GATAD1: variants seen among roughly 807,000 people sequenced by gnomAD.
The protein encoded by GATAD1 is GATA zinc finger domain-containing protein 1.
GATAD1 carries 12 observed loss-of-function variants against 26.5 expected under a neutral mutation model. The observed-to-expected ratio is 0.45, with a 90% CI of 0.29 to 0.73. GATAD1 has a LOEUF of 0.73. Ranked by LOEUF, GATAD1 falls within the 30% of genes least tolerant of loss-of-function variation. GATAD1 has a pLI of 0.10. For synonymous variants in GATAD1, 129 were observed against 133.1 expected (o/e 0.97, Z 0.21); for missense variants, 266 against 342.1 (o/e 0.78, Z 1.75).
chr7:92,495,082 A>G, the GATAD1 span, among the ~76,000 whole-genome samples: 1 of 151,990 alleles, frequency 6.6e-6, no homozygotes, highest in Non-Finnish European at 1.5e-5. Flanking sequence ...ATGCCTATTC[A>G]TTTATTTTGC....
At chr7:92,454,367 A>G (rs915361712) in intron 3 of GATAD1, 135 bp from the exon 4 acceptor site, 6 of 689,416 alleles carry the variant, frequency 8.7e-6, no homozygotes, top group African/African-American at 7.2e-5. Context: ...CCAAACATAT[A>G]AACACTGATA....
Position 92,459,615 on chromosome 7 carries a change from T to G in GATAD1, c.*3053T>G, listed in dbSNP as rs916755084. On this transcript the variant is annotated 3_prime_UTR_variant, in exon 5 of 5. Coordinates refer to ENST00000287957, the MANE Select transcript of GATAD1 (RefSeq NM_021167.5). ...CAATTCTACCTTCCAAAGGCCTTTC[T>G]TAACACCTTCGGATTCTTTCTTTGA... Among the ~76,000 whole-genome samples, 1 of 152,246 alleles carries G rather than the reference T, an allele frequency of 6.6e-6. No individual in the cohort carries two copies. The highest frequency in any genetic ancestry group is 1.5e-5 in the Non-Finnish European group (1 of 68,038).
chr7:92,494,609 C>G, the GATAD1 span: 2 of 1,613,978 alleles, frequency 1.2e-6, no homozygotes, highest in Non-Finnish European at 1.7e-6. Flanking sequence ...GAAAAGAATG[C>G]AGGGCTTTGC....
At chr7:92,493,784 CAT>C in the GATAD1 span, 1 of 167,542 alleles carries the variant, frequency 6.0e-6, no homozygotes, top group Admixed American at 5.7e-5. Context: ...CTACATGTAA[CAT>C]ATATACAGAT....
intron 3 of GATAD1, among the ~76,000 whole-genome samples, chr7:92,453,503 C>G (rs549129358): frequency 6.6e-6 from 1 of 152,192 alleles, no homozygotes; most frequent in African/African-American, 2.4e-5. Flanking sequence ...AGACACAAAG[C>G]CTTGAATGCC....
chr7:92,492,708 A>G, the GATAD1 span, among the ~76,000 whole-genome samples: 48 of 152,256 alleles, frequency 3.2e-4, no homozygotes, highest in Non-Finnish European at 6.3e-4. Context: ...ATATCCTTGC[A>G]AACACCAACA....
In GATAD1 at chr7:92,458,141, GAAAA is replaced by G. The variant is rs1221727154; in HGVS notation, c.*1584_*1587del. The G allele has an allele frequency of 1.3e-5, 2 of 149,922 alleles. No individual in the cohort carries two copies. Among genetic ancestry groups the G allele is most frequent in the Non-Finnish European group, 3.0e-5 (2 of 67,682 alleles). The allele number at this position is 149,922 out of a possible 1,614,324, so 9.3% of individuals were successfully genotyped here. On this transcript the variant is annotated 3_prime_UTR_variant, in exon 5 of 5. Coordinates refer to ENST00000287957, the MANE Select transcript of GATAD1 (RefSeq NM_021167.5). ...GATAGAGCAAGACTGTCTCAAAAAAGAAAAAAAAGAAAAAATTTTAATTTAATCC... is the reference window on the plus strand; with the variant it reads ...GATAGAGCAAGACTGTCTCAAAAAAGAAAAGAAAAAATTTTAATTTAATCC...
the GATAD1 span, among the ~76,000 whole-genome samples, chr7:92,484,115 A>T: frequency 6.6e-6 from 1 of 152,164 alleles, no homozygotes; most frequent in African/African-American, 2.4e-5. Context: ...TAGGATGGAG[A>T]AATTGAAAGT....
At chr7:92,468,313 G>A in the GATAD1 span, 3 of 175,552 alleles carry the variant, frequency 1.7e-5, no homozygotes, top group East Asian at 1.6e-4. Context: ...TGCGGTGGCG[G>A]CAAACAGCAG....
In GATAD1 at chr7:92,447,888, GGGC is replaced by G. The variant is rs1295621997; in HGVS notation, c.160_162del (p.Gly54del). On this transcript the variant is annotated inframe_deletion, in exon 1 of 5. Transcript: ENST00000287957. ...GCTCGGGGGCGGCTGGAGGGACTGG[GGGC>G]AGCGGCGGCGGCGGCTTCGGCGCGG... The G allele has an allele frequency of 4.7e-6, 6 of 1,275,628 alleles. No individual in the cohort carries two copies. The highest frequency in any genetic ancestry group is 3.2e-5 in the South Asian group (1 of 31,530). The allele number at this position is 1,275,628 out of a possible 1,614,324, so 79.0% of individuals were successfully genotyped here. A position where few individuals can be genotyped will look rare whatever the true frequency, so the allele number is the denominator to read the frequency against.
chr7:92,468,888 G>A, the GATAD1 span: 15 of 764,234 alleles, frequency 2.0e-5, no homozygotes, highest in Admixed American at 2.5e-4. Context: ...GGGGTCTGCG[G>A]TAGATCTTAG....
At chr7:92,460,401 T>C (rs115081224), downstream of GATAD1, among the ~76,000 whole-genome samples, 14 of 152,024 alleles carry the variant, frequency 9.2e-5, no homozygotes, top group African/African-American at 3.4e-4. Flanking sequence ...CCAAGAAATA[T>C]AAGCCAGGAG....
intron 2 of GATAD1, chr7:92,449,675 T>A: frequency 1.2e-6 from 1 of 804,250 alleles, no homozygotes; most frequent in Non-Finnish European, 1.5e-6. Flanking sequence ...ACTATTTTCT[T>A]TTTTTTTTTT....
At chr7:92,460,951 G>C (rs143472368), downstream of GATAD1, among the ~76,000 whole-genome samples, 1 of 151,942 alleles carries the variant, frequency 6.6e-6, no homozygotes, top group Non-Finnish European at 1.5e-5. Context: ...ACACACGTTT[G>C]TTTGCATAAG....
At chr7:92,456,044 A>G (rs900837256) in intron 4 of GATAD1, among the ~76,000 whole-genome samples, 6 of 152,152 alleles carry the variant, frequency 3.9e-5, no homozygotes, top group African/African-American at 1.4e-4. Flanking sequence ...CACTTTCCTC[A>G]TATGTAAAAT....
the GATAD1 span, among the ~76,000 whole-genome samples, chr7:92,480,585 C>T: frequency 3.7e-3 from 566 of 152,202 alleles, 2 homozygotes; most frequent in African/African-American, 0.013. Context: ...ATAGAATGGG[C>T]CTGTGAGGCT....
At chr7:92,487,690 A>G in the GATAD1 span, 131 of 469,194 alleles carry the variant, frequency 2.8e-4, no homozygotes, top group Non-Finnish European at 3.9e-4. Context: ...GAAATTAAAA[A>G]GAATTCTTAC....
At chr7:92,495,521 G>C in the GATAD1 span, among the ~76,000 whole-genome samples, 1 of 152,048 alleles carries the variant, frequency 6.6e-6, no homozygotes, top group Non-Finnish European at 1.5e-5. Context: ...CTCAGATTTT[G>C]TTTCTTTTTT....
At chr7:92,449,500 A>C in intron 2 of GATAD1, 2 of 977,026 alleles carry the variant, frequency 2.0e-6, no homozygotes, top group Non-Finnish European at 2.4e-6. Context: ...ATAATGTTCA[A>C]ACACAGTGGA....
Sources: gnomAD v4.1 joint callset for allele counts (sites outside exome capture counted in the v4.1 genomes callset) on GRCh38, gnomAD v4.1.1 for gene constraint, MANE v1.5 for transcripts, NCBI Gene and HGNC (gene_info 2026-07-23, HGNC 2026-07-21) for gene names.